Variants in MPPED2 observed in about 807,000 individuals in gnomAD.
MPPED2 encodes metallophosphoesterase domain containing 2, also known as metallophosphoesterase MPPED2.
Under a neutral mutation model 33.0 loss-of-function variants are expected in MPPED2, and 5 were observed. The observed-to-expected ratio is 0.15, with a 90% CI of 0.08 to 0.32. The LOEUF is 0.32. Among genes scored for constraint, MPPED2 ranks in the 10% least tolerant of loss-of-function variants. MPPED2 has a pLI of 1.00. For synonymous variants in MPPED2, 136 were observed against 141.9 expected (o/e 0.96, Z 0.29); for missense variants, 275 against 372.1 (o/e 0.74, Z 2.15).
intron 2 of MPPED2, among the ~76,000 whole-genome samples, chr11:30,547,056 C>T (rs1263609072): frequency 7.2e-5 from 11 of 152,136 alleles, no homozygotes; most frequent in Non-Finnish European, 1.6e-4. Flanking sequence ...TCATACTTTC[C>T]TCATGATTTT....
intron 2 of MPPED2, among the ~76,000 whole-genome samples, chr11:30,558,575 T>C (rs1956094520): frequency 6.7e-6 from 1 of 149,988 alleles, no homozygotes; most frequent in Non-Finnish European, 1.5e-5. Flanking sequence ...GCCACCACAC[T>C]CAGCTTTTTT....
chr11:30,391,006 G>A (rs192030754), intron 6 of MPPED2, among the ~76,000 whole-genome samples: 73 of 152,300 alleles, frequency 4.8e-4, no homozygotes, highest in African/African-American at 1.6e-3. Context: ...TCTAGTCCCT[G>A]ACAGGAGAGT....
intron 2 of MPPED2, among the ~76,000 whole-genome samples, chr11:30,557,612 T>A (rs1026444347): frequency 2.0e-5 from 3 of 152,200 alleles, no homozygotes; most frequent in Non-Finnish European, 4.4e-5. Context: ...ACTGGCTAAA[T>A]AACCAATCAA....
chr11:30,547,666 T>C (rs1352647324), intron 2 of MPPED2, among the ~76,000 whole-genome samples: 1 of 151,972 alleles, frequency 6.6e-6, no homozygotes, highest in Non-Finnish European at 1.5e-5. Flanking sequence ...CCAGTGGAGG[T>C]TCAATCGACT....
At chr11:30,430,253 G>C (rs563336544) in intron 4 of MPPED2, among the ~76,000 whole-genome samples, 1 of 152,054 alleles carries the variant, frequency 6.6e-6, no homozygotes, top group Admixed American at 6.6e-5. Context: ...TATGATAGCC[G>C]TATTTACTGA....
At chr11:30,551,867 T>C (rs191763563) in intron 2 of MPPED2, among the ~76,000 whole-genome samples, 20 of 152,306 alleles carry the variant, frequency 1.3e-4, no homozygotes, top group Admixed American at 9.1e-4. Flanking sequence ...CATAAGGATG[T>C]TATGAAGAAG....
At chr11:30,462,553 T>A (rs1950551053) in intron 4 of MPPED2, among the ~76,000 whole-genome samples, 1 of 152,186 alleles carries the variant, frequency 6.6e-6, no homozygotes, top group Non-Finnish European at 1.5e-5. Context: ...TTTTTAAGTA[T>A]TATTTTAAAC....
At position 30,515,540 on chromosome 11, in the gene MPPED2, A is replaced by T. The variant is rs113901075; in HGVS notation, c.311-20019T>A. On this transcript the variant is annotated intron_variant, in intron 3 of 6. Transcript: ENST00000358117. ...AGATTTGGGGGACATAACAGGATAAATTGAATTGAATTGTCTCTCCTGATC... is the reference window on the plus strand; with the variant it reads ...AGATTTGGGGGACATAACAGGATAATTTGAATTGAATTGTCTCTCCTGATC... Among the ~76,000 whole-genome samples the T allele has an allele frequency of 2.2e-3, 329 of 152,312 alleles. 2 individuals carry two copies. The highest frequency in any genetic ancestry group is 7.5e-3 in the African/African-American group (312 of 41,576).
At position 30,388,956 on chromosome 11, in the gene MPPED2, AC is replaced by A. The variant is rs752724164; in HGVS notation, c.767-1del. 1 of 1,559,632 alleles carries A rather than the reference AC, an allele frequency of 6.4e-7. No individual in the cohort carries two copies. The highest frequency in any genetic ancestry group is 1.4e-5 in the African/African-American group (1 of 73,690). ...TGCCTTGGAGATGCTCACAGGGTTT[AC>A]TAAAGGGGAGAGAGAGAAAGAGAGA... On this transcript the variant is annotated splice_acceptor_variant, in intron 6 of 6. Coordinates refer to the MPPED2 transcript ENST00000448418. LOFTEE classifies it high-confidence loss of function.
chr11:30,408,820 A>T (rs1170518274), downstream of MPPED2, among the ~76,000 whole-genome samples: 1 of 152,112 alleles, frequency 6.6e-6, no homozygotes, highest in Non-Finnish European at 1.5e-5. Context: ...AAAATACACA[A>T]CCTGTTCAAC....
chr11:30,521,080 A>C (rs1953849846), intron 3 of MPPED2, among the ~76,000 whole-genome samples: 1 of 152,200 alleles, frequency 6.6e-6, no homozygotes, highest in Non-Finnish European at 1.5e-5. Flanking sequence ...TAATAGTAAT[A>C]ATAGTACTGG....
chr11:30,408,292 A>G (rs894387785), downstream of MPPED2, among the ~76,000 whole-genome samples: 1 of 152,114 alleles, frequency 6.6e-6, no homozygotes, highest in African/African-American at 2.4e-5. Flanking sequence ...GAGGGATAGG[A>G]TATATCCCCA....
chr11:30,540,861 T>G (rs1371677803), intron 2 of MPPED2, among the ~76,000 whole-genome samples: 1 of 152,216 alleles, frequency 6.6e-6, no homozygotes, highest in Non-Finnish European at 1.5e-5. Context: ...GGAAATCATC[T>G]CCACTCTAGT....
intron 3 of MPPED2, among the ~76,000 whole-genome samples, chr11:30,500,269 C>A (rs1476922890): frequency 1.3e-5 from 2 of 152,156 alleles, no homozygotes; most frequent in Non-Finnish European, 2.9e-5. Context: ...TGGCACTCTC[C>A]AAGTTCTCCT....
At chr11:30,476,886 T>C (rs751712462) in intron 4 of MPPED2, among the ~76,000 whole-genome samples, 2 of 152,056 alleles carry the variant, frequency 1.3e-5, no homozygotes, top group Non-Finnish European at 2.9e-5. Context: ...GTTTAGGTCT[T>C]CTTTAATTTT....
chr11:30,472,038 AT>A (rs1408503367), intron 4 of MPPED2, among the ~76,000 whole-genome samples: 1 of 152,168 alleles, frequency 6.6e-6, no homozygotes, highest in Non-Finnish European at 1.5e-5. Context: ...TGTGCACAAC[AT>A]TTGGGTATAT....
At chr11:30,448,547 T>C (rs558611083) in intron 4 of MPPED2, among the ~76,000 whole-genome samples, 1 of 152,356 alleles carries the variant, frequency 6.6e-6, no homozygotes, top group East Asian at 1.9e-4. Flanking sequence ...AGGAGGTTAC[T>C]GCTATAAGTC....
At chr11:30,457,741 C>G (rs1405706483) in intron 4 of MPPED2, among the ~76,000 whole-genome samples, 1 of 152,140 alleles carries the variant, frequency 6.6e-6, no homozygotes, top group African/African-American at 2.4e-5. Flanking sequence ...CATGCCCTTT[C>G]AAGTACACTG....
chr11:30,395,198 A>G, intron 6 of MPPED2, among the ~76,000 whole-genome samples: 1 of 152,210 alleles, frequency 6.6e-6, no homozygotes, highest in East Asian at 1.9e-4. Flanking sequence ...GAGAAGGAGA[A>G]TGTGAAGAGA....
Sources: gnomAD v4.1 joint callset for allele counts (sites outside exome capture counted in the v4.1 genomes callset) on GRCh38, gnomAD v4.1.1 for gene constraint, MANE v1.5 for transcripts, NCBI Gene and HGNC (gene_info 2026-07-23, HGNC 2026-07-21) for gene names.